The following DGCR2 variants were observed in gnomAD, a reference collection of about 807,000 sequenced individuals.
The protein encoded by DGCR2 is DiGeorge syndrome critical region gene 2.
A neutral mutation model predicts 51.6 loss-of-function variants in DGCR2; 24 were observed. That is an observed-to-expected ratio of 0.47 (90% CI 0.34 to 0.65). The LOEUF is 0.65. Among genes scored for constraint, DGCR2 ranks in the 30% least tolerant of loss-of-function variants. The probability of loss-of-function intolerance (pLI) is 0.01; values close to 1 mark genes in which losing one functional copy is unlikely to be tolerated. For synonymous variants in DGCR2, 340 were observed against 315.4 expected (o/e 1.08, Z -0.82); for missense variants, 765 against 772.1 (o/e 0.99, Z 0.11).
chr22:19,111,840 T>G (rs966888066), intron 1 of DGCR2, among the ~76,000 whole-genome samples: 1 of 130,930 alleles, frequency 7.6e-6, no homozygotes, highest in South Asian at 2.6e-4. Flanking sequence ...CTCTTTTTTG[T>G]TTTTATTTTT....
In DGCR2 at chr22:19,065,018, G is replaced by A; in HGVS notation, c.378C>T (p.Ala126=). Residue 126 remains alanine, a synonymous_variant, in exon 4 of 10, where the codon GCC becomes GCT. Coordinates refer to ENST00000263196, the MANE Select transcript of DGCR2 (RefSeq NM_005137.3). Reference sequence around the variant, plus strand: ...CGCTCAGGTAGACCCGGTAGCAGCTGGCCGTGCCTTCGTAGTGGTGCCACC... The same window carrying A: ...CGCTCAGGTAGACCCGGTAGCAGCTAGCCGTGCCTTCGTAGTGGTGCCACC... ...PTGWHHYEGT[A]SCYRVYLSGE... 6.2e-7 allele frequency: 1 copy of A among 1,614,070 alleles called. No individual in the cohort carries two copies. The highest frequency in any genetic ancestry group is 8.5e-7 in the Non-Finnish European group (1 of 1,180,042).
At chr22:19,089,558 C>G (rs1204233779) in intron 1 of DGCR2, 68 bp from the exon 2 acceptor site, 1 of 1,393,120 alleles carries the variant, frequency 7.2e-7, no homozygotes, top group African/African-American at 1.5e-5. Flanking sequence ...AGCCCATGGG[C>G]TGGATCAATC....
In DGCR2 at chr22:19,066,238, G is replaced by A. The variant is rs934221206; in HGVS notation, c.329-1171C>T. On this transcript the variant is annotated intron_variant, in intron 3 of 9. Coordinates refer to ENST00000263196, the MANE Select transcript of DGCR2 (RefSeq NM_005137.3). ...AACATGGCGAAACCCCCTATCTACC[G>A]AAAATACAAAGAATTAGCCAGGTGT... 4.6e-5 allele frequency among the ~76,000 whole-genome samples: 7 copies of A among 152,060 alleles called. No homozygotes were observed. In the South Asian group the frequency reaches 8.3e-4, roughly 18 times the overall value.
At chr22:19,041,317 C>A in intron 8 of DGCR2, 23 bp from the exon 9 acceptor site, 2 of 1,609,626 alleles carry the variant, frequency 1.2e-6, no homozygotes, top group Non-Finnish European at 1.7e-6. Context: ...AAGTGTGCAA[C>A]GGGAACAGAG....
intron 2 of DGCR2, among the ~76,000 whole-genome samples, chr22:19,085,194 A>G (rs1025932666): frequency 1.3e-5 from 2 of 152,150 alleles, no homozygotes; most frequent in African/African-American, 4.8e-5. Context: ...TACAGAAAAT[A>G]GGTGCTTTCA....
At chr22:19,061,118 C>T (rs1349752974) in intron 5 of DGCR2, 1 of 212,594 alleles carries the variant, frequency 4.7e-6, no homozygotes, top group Non-Finnish European at 9.7e-6. Context: ...GACTTACATC[C>T]ATTTCCCATG....
chr22:19,041,244 C>A lies in DGCR2; in HGVS notation c.1210G>T (p.Asp404Tyr). 6.2e-7 allele frequency: 1 copy of A among 1,614,138 alleles called. No individual in the cohort carries two copies. The highest frequency in any genetic ancestry group is 8.5e-7 in the Non-Finnish European group (1 of 1,180,006). ...RRIPGFDYGP[D>Y]GFGTGLTPLH... The stretch of plus-strand genomic sequence containing the variant: ...GGCGTGAGGCCCGTGCCAAACCCGT[C>A]TGGGCCGTAATCAAAGCCAGGGATC... The change falls in exon 9 of 10, where the codon GAC (aspartate) becomes TAC (tyrosine). Residue 404 changes from aspartate (D) to tyrosine (Y), a missense_variant. This residue lies in a region of DGCR2 where 190 missense variants were observed against 265.2 expected (regional missense o/e 0.72). Coordinates refer to ENST00000263196, the MANE Select transcript of DGCR2 (RefSeq NM_005137.3).
At chr22:19,084,361 G>A (rs1033616475) in intron 2 of DGCR2, among the ~76,000 whole-genome samples, 12 of 151,772 alleles carry the variant, frequency 7.9e-5, no homozygotes, top group Non-Finnish European at 1.6e-4. Flanking sequence ...GAGCACCTCT[G>A]CCCGGCCACG....
intron 1 of DGCR2, among the ~76,000 whole-genome samples, chr22:19,090,782 G>A (rs2083069451): frequency 6.8e-6 from 1 of 147,612 alleles, no homozygotes; most frequent in Admixed American, 6.8e-5. Context: ...AGCCAACATA[G>A]AAGAGAATAA....
Position 19,040,902 on chromosome 22 carries a change from C to T in DGCR2, c.1396+156G>A, listed in dbSNP as rs186145356. On this transcript the variant is annotated intron_variant, in intron 9 of 9. Coordinates refer to ENST00000263196, the MANE Select transcript of DGCR2 (RefSeq NM_005137.3). ...CAGGGAGATCAGGACCCCTTCTGCA[C>T]GGGCAGCCCCAGGAGAAGCCTTAAA... Among the ~76,000 whole-genome samples, 441 of 152,256 alleles carry T rather than the reference C, an allele frequency of 2.9e-3. 1 individual carries two copies. The highest frequency in any genetic ancestry group is 9.0e-3 in the African/African-American group (373 of 41,570).
At chr22:19,058,659 G>A (rs1013476677) in intron 5 of DGCR2, among the ~76,000 whole-genome samples, 3 of 152,190 alleles carry the variant, frequency 2.0e-5, no homozygotes, top group Admixed American at 1.3e-4. Context: ...CTTCAGCGCT[G>A]AAGCTAGTTG....
At chr22:19,040,456 G>A (rs186537097) in intron 9 of DGCR2, among the ~76,000 whole-genome samples, 64 of 152,292 alleles carry the variant, frequency 4.2e-4, no homozygotes, top group Admixed American at 4.0e-3. Flanking sequence ...AGATGGGATG[G>A]GACACCTGCA....
At chr22:19,061,211 A>AGGCTGGGGTG (rs1259958917) in intron 5 of DGCR2, 1 of 170,094 alleles carries the variant, frequency 5.9e-6, no homozygotes, top group African/African-American at 2.4e-5. Flanking sequence ...GGCAGGAGAA[A>AGGCTGGGGTG]GGCTGGGGTG....
At chr22:19,105,705 C>T (rs558177455) in intron 1 of DGCR2, among the ~76,000 whole-genome samples, 2 of 86 alleles carry the variant, frequency 0.023, no homozygotes, top group Admixed American at 0.1. Context: ...CACCAACCTG[C>T]GTCAGACAGA....
intron 1 of DGCR2, among the ~76,000 whole-genome samples, chr22:19,097,161 A>C (rs188291852): frequency 3.4e-4 from 52 of 151,832 alleles, no homozygotes; most frequent in Non-Finnish European, 6.5e-4. Flanking sequence ...CACCACATCC[A>C]CCTTGCCTTG....
intron 6 of DGCR2, chr22:19,056,569 A>C: frequency 2.6e-6 from 1 of 378,538 alleles, no homozygotes; most frequent in Non-Finnish European, 4.9e-6. Context: ...AAAAAAAAAC[A>C]CACACACCAT....
intron 1 of DGCR2, chr22:19,121,835 G>A (rs1036300796): frequency 1.8e-5 from 4 of 223,978 alleles, no homozygotes; most frequent in African/African-American, 9.2e-5. Context: ...TCCGACGCTG[G>A]ACTGGCGAGA....
At chr22:19,039,158 C>T (rs372198667) in intron 9 of DGCR2, 37 bp from the exon 10 acceptor site, 72 of 1,609,154 alleles carry the variant, frequency 4.5e-5, no homozygotes, top group Middle Eastern at 1.8e-4. Context: ...GAGGCAGGTA[C>T]GGGCCTGGCA....
At chr22:19,063,026 G>C (rs1484399580) in intron 5 of DGCR2, among the ~76,000 whole-genome samples, 176 bp downstream of exon 5, 1 of 152,148 alleles carries the variant, frequency 6.6e-6, no homozygotes, top group Non-Finnish European at 1.5e-5. Flanking sequence ...TGCAGGGCCT[G>C]ATCTGCAGGC....
Sources: gnomAD v4.1 joint callset for allele counts (sites outside exome capture counted in the v4.1 genomes callset) on GRCh38, gnomAD v4.1.1 for gene constraint, gnomAD v4.1.1 regional missense constraint, MANE v1.5 for transcripts, NCBI Gene and HGNC (gene_info 2026-07-23, HGNC 2026-07-21) for gene names.